ARHGAP15: variants seen among roughly 807,000 people sequenced by gnomAD.
ARHGAP15 encodes Rho GTPase activating protein 15, also known as rho GTPase-activating protein 15.
Under a neutral mutation model 63.7 loss-of-function variants are expected in ARHGAP15, and 51 were observed. That is an observed-to-expected ratio of 0.80 (90% CI 0.64 to 1.01). The LOEUF is 1.01. ARHGAP15 is among the 50% of genes least tolerant of loss of function. ARHGAP15 has a pLI of 0.00. For missense variants in ARHGAP15, 560 were observed against 564.6 expected, an observed-to-expected ratio of 0.99 and a Z score of 0.08; for synonymous variants, 191 against 193.8, an observed-to-expected ratio of 0.99 and a Z score of 0.12.
At chr2:143,458,859 A>G (rs1690783686) in intron 8 of ARHGAP15, among the ~76,000 whole-genome samples, 1 of 152,220 alleles carries the variant, frequency 6.6e-6, no homozygotes, top group African/African-American at 2.4e-5. Context: ...AGCTTGAGGT[A>G]ATATATGTAA....
intron 12 of ARHGAP15, among the ~76,000 whole-genome samples, chr2:143,650,949 A>T (rs768148213): frequency 5.5e-4 from 83 of 151,874 alleles, no homozygotes; most frequent in Admixed American, 1.6e-3. Context: ...CTAAAGTTAC[A>T]TTCCCATGTT....
intron 11 of ARHGAP15, among the ~76,000 whole-genome samples, chr2:143,582,915 T>C (rs1696967125): frequency 6.6e-6 from 1 of 152,228 alleles, no homozygotes; most frequent in African/African-American, 2.4e-5. Flanking sequence ...TGTTTTTCTT[T>C]CATTCTACCA....
At chr2:143,327,814 C>CA (rs1359936882) in intron 6 of ARHGAP15, among the ~76,000 whole-genome samples, 2 of 151,586 alleles carry the variant, frequency 1.3e-5, no homozygotes, top group Non-Finnish European at 2.9e-5. Context: ...AGTGAAGAGG[C>CA]AAACTACAGA....
At chr2:143,338,649 T>C (rs1248948632) in intron 6 of ARHGAP15, among the ~76,000 whole-genome samples, 1 of 152,146 alleles carries the variant, frequency 6.6e-6, no homozygotes, top group Non-Finnish European at 1.5e-5. Context: ...TATATTTCCA[T>C]TTAAGTAGCT....
chr2:143,622,928 G>T (rs891574883), intron 11 of ARHGAP15, among the ~76,000 whole-genome samples: 2 of 151,982 alleles, frequency 1.3e-5, no homozygotes, highest in African/African-American at 4.8e-5. Context: ...GGTGCAAAAT[G>T]CTCCTCTGGA....
At chr2:143,596,216 C>G (rs1431441110) in intron 11 of ARHGAP15, among the ~76,000 whole-genome samples, 1 of 152,092 alleles carries the variant, frequency 6.6e-6, no homozygotes, top group African/African-American at 2.4e-5. Flanking sequence ...TCCTTCTAGA[C>G]TGAGTCAATA....
rs747350907 is a variant in ARHGAP15 at position 143,406,306 on chromosome 2, GTGTT to G, written c.475-29289_475-29286del. On this transcript the variant is annotated intron_variant, in intron 6 of 13. Coordinates refer to ENST00000295095, the MANE Select transcript of ARHGAP15 (RefSeq NM_018460.4). ...TTTTACCAAAATATTCTTTAGAAGA[GTGTT>G]TGTTTATATGCTATGACTTCCAAGA... is the stretch of plus-strand genomic sequence containing the variant. 5.7e-4 allele frequency among the ~76,000 whole-genome samples: 87 copies of G among 151,950 alleles called. 1 individual carries two copies. Among genetic ancestry groups the G allele is most frequent in the Non-Finnish European group, 1.1e-3 (74 of 67,798 alleles).
At position 143,760,466 on chromosome 2, in the gene ARHGAP15, A is replaced by G. The variant is rs180984887; in HGVS notation, c.1245-7523A>G. ...GAACATATATTCTAATAAGAAATAAATTATAAATTGAAGCCTGTGGGCCAT... is the reference window on the plus strand; with the variant it reads ...GAACATATATTCTAATAAGAAATAAGTTATAAATTGAAGCCTGTGGGCCAT... On this transcript the variant is annotated intron_variant, in intron 13 of 13. Transcript: ENST00000295095. Among the ~76,000 whole-genome samples, 10 of 152,298 alleles carry G rather than the reference A, an allele frequency of 6.6e-5. No homozygotes were observed. The East Asian group carries it at 1.9e-3, about 29-fold the overall frequency.
intron 13 of ARHGAP15, among the ~76,000 whole-genome samples, chr2:143,753,976 C>T (rs997405427): frequency 6.6e-6 from 1 of 152,200 alleles, no homozygotes; most frequent in African/African-American, 2.4e-5. Flanking sequence ...GTCTCCTCCA[C>T]AGATCTAATG....
intron 2 of ARHGAP15, among the ~76,000 whole-genome samples, chr2:143,188,869 C>T (rs964854265): frequency 1.3e-5 from 2 of 151,882 alleles, no homozygotes; most frequent in Non-Finnish European, 2.9e-5. Flanking sequence ...TGTGATCCAC[C>T]TGCCTCGGCC....
chr2:143,268,776 T>G (rs893189433), intron 6 of ARHGAP15, among the ~76,000 whole-genome samples: 2 of 152,016 alleles, frequency 1.3e-5, no homozygotes, highest in African/African-American at 4.8e-5. Flanking sequence ...TGTTAAAGAA[T>G]GTAGAAAATA....
chr2:143,416,818 A>ACCC lies in ARHGAP15; in HGVS notation c.475-18781_475-18780insCCC, dbSNP rs1558957067. Among the ~76,000 whole-genome samples, 41 of 96,510 alleles carry ACCC rather than the reference A, an allele frequency of 4.2e-4. 1 individual carries two copies. The highest frequency in any genetic ancestry group is 8.6e-4 in the South Asian group (2 of 2,326). The allele number at this position is 96,510 out of a possible 152,430, so 63.3% of individuals were successfully genotyped here. Reference sequence around the variant, plus strand: ...TGCTTCCCTGCCTGCCACTTCCCCCACCACCCCCCCACCCCCACGCCCCCA... The same window carrying ACCC: ...TGCTTCCCTGCCTGCCACTTCCCCCACCCCCACCCCCCCACCCCCACGCCCCCA... On this transcript the variant is annotated intron_variant, in intron 6 of 13. Transcript: ENST00000295095.
intron 6 of ARHGAP15, among the ~76,000 whole-genome samples, chr2:143,343,011 T>A (rs1354175401): frequency 6.6e-6 from 1 of 152,060 alleles, no homozygotes; most frequent in Non-Finnish European, 1.5e-5. Flanking sequence ...TTTCATGAGA[T>A]TAGAAAATTT....
intron 5 of ARHGAP15, among the ~76,000 whole-genome samples, chr2:143,231,842 G>T (rs1693454737): frequency 6.6e-6 from 1 of 152,284 alleles, no homozygotes; most frequent in African/African-American, 2.4e-5. Flanking sequence ...TCTTCTCACT[G>T]TATCCTCACA....
chr2:143,254,634 T>A (rs982889047), intron 6 of ARHGAP15, among the ~76,000 whole-genome samples: 1 of 152,078 alleles, frequency 6.6e-6, no homozygotes, highest in Non-Finnish European at 1.5e-5. Flanking sequence ...TGTGAGAGTC[T>A]CAGAGCACTA....
rs530040100 is a variant in ARHGAP15, at chr2:143,589,047, G to A, written c.1003+32562G>A. On this transcript the variant is annotated intron_variant, in intron 11 of 13. Coordinates refer to ENST00000295095, the MANE Select transcript of ARHGAP15 (RefSeq NM_018460.4). ...CTAGGCATGAAAAAAACTCACCATT[G>A]GGCCCTCTTGCCTACCCACTACTCC... Among the ~76,000 whole-genome samples, 3 of 152,048 alleles carry A rather than the reference G, an allele frequency of 2.0e-5. No individual in the cohort carries two copies. In the South Asian group the frequency reaches 6.2e-4, roughly 32 times the overall value.
At chr2:143,406,493 T>C (rs888385286) in intron 6 of ARHGAP15, among the ~76,000 whole-genome samples, 1 of 151,950 alleles carries the variant, frequency 6.6e-6, no homozygotes, top group African/African-American at 2.4e-5. Flanking sequence ...GTGTAGACAA[T>C]TGTGTTTACA....
intron 12 of ARHGAP15, among the ~76,000 whole-genome samples, chr2:143,700,181 A>G (rs1006469938): frequency 5.9e-5 from 9 of 152,198 alleles, no homozygotes; most frequent in African/African-American, 1.9e-4. Flanking sequence ...AACAGAACTC[A>G]GGAGAGGGAG....
chr2:143,538,222 T>C lies in ARHGAP15; in HGVS notation c.926-18186T>C, dbSNP rs564330972. 6.3e-4 allele frequency among the ~76,000 whole-genome samples: 96 copies of C among 152,328 alleles called. No homozygotes were observed. The East Asian group carries it at 0.017, about 27-fold the overall frequency. On this transcript the variant is annotated intron_variant, in intron 10 of 13. Transcript: ENST00000295095. Reference sequence around the variant, plus strand: ...TAGGAATGCTTGTGATTTTTGCACATTGATTTTGTATCCTGAGACTTTGCT... The same window carrying C: ...TAGGAATGCTTGTGATTTTTGCACACTGATTTTGTATCCTGAGACTTTGCT...
Sources: allele counts gnomAD v4.1 joint callset (sites outside exome capture counted in the v4.1 genomes callset), GRCh38; gene constraint gnomAD v4.1.1; transcripts MANE v1.5; gene names NCBI Gene and HGNC (gene_info 2026-07-23, HGNC 2026-07-21).